Variants in IMPDH1 observed in about 807,000 individuals in gnomAD.
IMPDH1 encodes the protein inosine-5'-monophosphate dehydrogenase 1.
In IMPDH1, 41 loss-of-function variants were observed where a neutral mutation model predicts 73.5. The ratio of observed to expected loss-of-function variants is 0.56; its 90% confidence interval spans 0.43 to 0.72. IMPDH1 has a LOEUF of 0.72. Among genes scored for constraint, IMPDH1 ranks in the 30% least tolerant of loss-of-function variants. The pLI is 0.00. For missense variants in IMPDH1, 645 were observed against 824.8 expected (o/e 0.78, Z 2.67); for synonymous variants, 318 against 334.3 (o/e 0.95, Z 0.53).
intron 5 of IMPDH1, 73 bp downstream of exon 5, chr7:128,403,633 C>T: frequency 5.3e-6 from 7 of 1,324,504 alleles, no homozygotes; most frequent in Non-Finnish European, 7.6e-6. Context: ...CCATGCCCTG[C>T]CCCTGAGCAA....
At position 128,394,812 on chromosome 7, in the gene IMPDH1, TG is replaced by T; in HGVS notation, c.1550+76del. On this transcript the variant is annotated intron_variant, in intron 14 of 16. Coordinates refer to ENST00000338791, the MANE Select transcript of IMPDH1 (RefSeq NM_000883.4). The surrounding 1 kb of genome is among the most constrained non-coding windows in gnomAD (Gnocchi z 5.5). ...CACCATATGGGGACTGGCTGCCATC[TG>T]GGGAAGTCGGTGGCATGAGCGGGCC... 6.4e-7 allele frequency: 1 copy of T among 1,558,908 alleles called. No individual in the cohort carries two copies.
chr7:128,409,765 T>G lies in IMPDH1; in HGVS notation c.137A>C (p.Glu46Ala), dbSNP rs959585363. ...CTGCCCTGGGCGTCACCTCTCGGGC[T>G]CGTAGCCGGCCTGCAGCAGTCGGGC... ...YSARLLQAGY[E>A]PESPRLDLAT... The change falls in exon 1 of 17, where the codon GAG becomes GCG. Residue 46 changes from glutamate (E) to alanine (A), a missense_variant. Around this residue, in one of 2 missense-constraint regions of IMPDH1, gnomAD observed 186 missense variants for 186.6 expected, o/e 1.00. Transcript: ENST00000338791. The G allele has an allele frequency of 1.9e-5, 29 of 1,522,472 alleles. No individual in the cohort carries two copies. Among genetic ancestry groups the G allele is most frequent in the African/African-American group, 4.2e-5 (3 of 71,254 alleles). The allele number at this position is 1,522,472 out of a possible 1,614,324, so 94.3% of individuals were successfully genotyped here.
intron 5 of IMPDH1, among the ~76,000 whole-genome samples, chr7:128,402,375 T>C (rs572806758): frequency 3.3e-5 from 5 of 152,328 alleles, no homozygotes; most frequent in African/African-American, 1.2e-4. Flanking sequence ...AATGCTGGGA[T>C]TACAGGCATG....
In IMPDH1 at chr7:128,394,730, G is replaced by A. The variant is rs1387043830; in HGVS notation, c.1551-131C>T. On this transcript the variant is annotated intron_variant, in intron 14 of 16. Coordinates refer to ENST00000338791, the MANE Select transcript of IMPDH1 (RefSeq NM_000883.4). This position sits in a 1 kb window ranked among gnomAD's most constrained non-coding sequence, Gnocchi z 5.5. Reference sequence around the variant, plus strand: ...CACCCCTCACTGGGCTGAGTCAGATGGCCCAGGGACAGATCCTGGGTCTGC... The same window carrying A: ...CACCCCTCACTGGGCTGAGTCAGATAGCCCAGGGACAGATCCTGGGTCTGC... 16 of 1,399,520 alleles carry A rather than the reference G, an allele frequency of 1.1e-5. No homozygotes were observed. Among genetic ancestry groups the A allele is most frequent in the Non-Finnish European group, 1.4e-5 (14 of 1,004,204 alleles). The allele number at this position is 1,399,520 out of a possible 1,614,324, so 86.7% of individuals were successfully genotyped here. A position where few individuals can be genotyped will look rare whatever the true frequency, so the allele number is the denominator to read the frequency against.
Position 128,392,324 on chromosome 7 carries a change from A to G in IMPDH1, c.*683T>C, listed in dbSNP as rs1797592443. On this transcript the variant is annotated 3_prime_UTR_variant, in exon 17 of 17. Transcript: ENST00000338791. ...TTGATTTATTCCAAGTATTTAATACACAATGACGCAACTGTGATCCCAAGT... is the reference window on the plus strand; with the variant it reads ...TTGATTTATTCCAAGTATTTAATACGCAATGACGCAACTGTGATCCCAAGT... The G allele has an allele frequency of 6.5e-6, 1 of 153,194 alleles. No homozygotes were observed. Among genetic ancestry groups the G allele is most frequent in the Non-Finnish European group, 1.5e-5 (1 of 68,464 alleles). The allele number at this position is 153,194 out of a possible 1,614,324, so 9.5% of individuals were successfully genotyped here.
rs963545856 is a variant in IMPDH1, at chr7:128,392,812, G to A, written c.*195C>T. 2 of 595,370 alleles carry A rather than the reference G, an allele frequency of 3.4e-6. No individual in the cohort carries two copies. Among genetic ancestry groups the A allele is most frequent in the Admixed American group, 2.8e-5 (1 of 35,646 alleles). The allele number at this position is 595,370 out of a possible 1,614,324, so 36.9% of individuals were successfully genotyped here. On this transcript the variant is annotated 3_prime_UTR_variant, in exon 17 of 17. Transcript: ENST00000338791. Reference sequence around the variant, plus strand: ...GGCTCCCAGGGCAGCCTGGCCCCGGGAGCAGTCCTGACTCTGCAGGGGATG... The same window carrying A: ...GGCTCCCAGGGCAGCCTGGCCCCGGAAGCAGTCCTGACTCTGCAGGGGATG...
rs1333878116 is a variant in IMPDH1 at position 128,394,241 on chromosome 7, T to G, written c.1778+37A>C. Reference sequence around the variant, plus strand: ...CCCTGGCCCCACCTGCCCAACCCACTGCCTCCAAGTGACAGCAAGGAGGCC... The same window carrying G: ...CCCTGGCCCCACCTGCCCAACCCACGGCCTCCAAGTGACAGCAAGGAGGCC... On this transcript the variant is annotated intron_variant, in intron 16 of 16. Transcript: ENST00000338791. The surrounding 1 kb of genome is among the most constrained non-coding windows in gnomAD (Gnocchi z 5.5). 6.4e-7 allele frequency: 1 copy of G among 1,566,192 alleles called. No homozygotes were observed. Among genetic ancestry groups the G allele is most frequent in the African/African-American group, 1.4e-5 (1 of 74,062 alleles).
In IMPDH1 at chr7:128,394,283, C is replaced by T. The variant is rs770776919; in HGVS notation, c.1773G>A (p.Leu591=). 1.9e-6 allele frequency: 3 copies of T among 1,613,024 alleles called. No individual in the cohort carries two copies. Among genetic ancestry groups the T allele is most frequent in the East Asian group, 2.2e-5 (1 of 44,876 alleles). The change falls in exon 16 of 17, where the codon CTG becomes CTA. Residue 591 remains leucine, a synonymous_variant. Coordinates refer to ENST00000338791, the MANE Select transcript of IMPDH1 (RefSeq NM_000883.4). The surrounding 1 kb of genome is among the most constrained non-coding windows in gnomAD (Gnocchi z 5.5). The part of the protein sequence containing the change: ...SAQIEGGVHG[L]HSYEKRLY ...AAGGAGGCCACCACACTTACGAGTG[C>T]AGGCCATGGACACCACCCTCAATCT...
chr7:128,409,158 T>G, intron 3 of IMPDH1, 131 bp downstream of exon 3: 1 of 818,482 alleles, frequency 1.2e-6, no homozygotes, highest in Non-Finnish European at 2.1e-6. Flanking sequence ...TACCCTACTC[T>G]TCCTCCAGTG....
At position 128,401,075 on chromosome 7, in the gene IMPDH1, C is replaced by A. The variant is rs763640264; in HGVS notation, c.444G>T (p.Thr148=). ...SALTRKITLK[T]PLISSPMDTV... The stretch of plus-strand genomic sequence containing the variant: ...TGTCCATGGGGGAGGAGATCAGTGG[C>A]GTCTTCAGCGTGATCTTCCGGGTCA... Residue 148 remains threonine (T), a synonymous_variant, in exon 6 of 17, where the codon ACG becomes ACT. Transcript: ENST00000338791. 32 of 1,613,904 alleles carry A rather than the reference C, an allele frequency of 2.0e-5. No homozygotes were observed. The highest frequency in any genetic ancestry group is 2.6e-5 in the Non-Finnish European group (31 of 1,180,022).
At chr7:128,402,310 C>T (rs1798396668) in intron 5 of IMPDH1, among the ~76,000 whole-genome samples, 1 of 152,106 alleles carries the variant, frequency 6.6e-6, no homozygotes, top group African/African-American at 2.4e-5. Context: ...ACCATGTTGG[C>T]CAGGCTGGTC....
In IMPDH1 at chr7:128,402,113, T is replaced by TC. The variant is rs1223413013; in HGVS notation, c.403-998_403-997insG. Among the ~76,000 whole-genome samples, 11 of 151,984 alleles carry TC rather than the reference T, an allele frequency of 7.2e-5. No homozygotes were observed. In the South Asian group the frequency reaches 8.3e-4, roughly 11 times the overall value. ...CCGGCCAGGCAGGGTTTTTTTTTTT[T>TC]TCTCTCTCTGATGGAGCCTCATTCT... On this transcript the variant is annotated intron_variant, in intron 5 of 16. Transcript: ENST00000338791.
rs1193399212 is a variant in IMPDH1 at position 128,409,887 on chromosome 7, G to A, written c.15C>T (p.Leu5=). The A allele has an allele frequency of 4.1e-6, 6 of 1,445,834 alleles. No individual in the cohort carries two copies. Among genetic ancestry groups the A allele is most frequent in the African/African-American group, 3.0e-5 (2 of 67,556 alleles). The allele number at this position is 1,445,834 out of a possible 1,614,324, so 89.6% of individuals were successfully genotyped here. ...CGCCTCCCTGCAGCGGTGGTGGAGT[G>A]AGTGGCCCCTCCATGCGGAGGCCGC... The part of the protein sequence containing the change: MEGP[L]TPPPLQGGGA... Residue 5 remains leucine (L), a synonymous_variant, in exon 1 of 17, where the codon CTC becomes CTT. Coordinates refer to ENST00000338791, the MANE Select transcript of IMPDH1 (RefSeq NM_000883.4).
intron 5 of IMPDH1, 133 bp downstream of exon 5, chr7:128,403,573 A>AAG: frequency 1.4e-6 from 1 of 714,284 alleles, no homozygotes. Context: ...AAAAAAAAAA[A>AAG]AAGGACTATA....
chr7:128,399,137 G>A (rs894817754), intron 9 of IMPDH1, among the ~76,000 whole-genome samples: 4 of 152,272 alleles, frequency 2.6e-5, no homozygotes, highest in Non-Finnish European at 5.9e-5. Context: ...GCCGAGGCAG[G>A]TGGATCACTT....
chr7:128,393,363 C>T (rs1456125799), intron 16 of IMPDH1, among the ~76,000 whole-genome samples: 3 of 152,220 alleles, frequency 2.0e-5, no homozygotes, highest in Admixed American at 6.5e-5. Context: ...AACCTGGAGC[C>T]GAACCTCTGC....
At position 128,403,672 on chromosome 7, in the gene IMPDH1, G is replaced by A. The variant is rs542772203; in HGVS notation, c.402+34C>T. On this transcript the variant is annotated intron_variant, in intron 5 of 16. Coordinates refer to ENST00000338791, the MANE Select transcript of IMPDH1 (RefSeq NM_000883.4). ...GTCAGCCTCTTCCACCACATACACA[G>A]CCCCCTCCCCTTGTCAAAGGAAGAG... 2.3e-5 allele frequency: 36 copies of A among 1,593,360 alleles called. No individual in the cohort carries two copies. The East Asian group carries it at 5.8e-4, about 26-fold the overall frequency.
chr7:128,396,545 G>A lies in IMPDH1; in HGVS notation c.1261+55C>T. On this transcript the variant is annotated intron_variant, in intron 12 of 16. Transcript: ENST00000338791. The surrounding 1 kb of genome is among the most constrained non-coding windows in gnomAD (Gnocchi z 4.0). ...AGAGAGTACTTGATATACATCTGGG[G>A]AACAAAGGCGAGGCCCCGGGGCCAG... The A allele has an allele frequency of 7.8e-7, 1 of 1,286,882 alleles. No homozygotes were observed. Among genetic ancestry groups the A allele is most frequent in the Non-Finnish European group, 1.1e-6 (1 of 907,370 alleles). 79.7% of individuals were successfully genotyped at this position (1,286,882 alleles called of 1,614,324 possible).
Position 128,409,892 on chromosome 7 carries a change from G to A in IMPDH1, c.10C>T (p.Pro4Ser), listed in dbSNP as rs1380986603. 6 of 1,433,814 alleles carry A rather than the reference G, an allele frequency of 4.2e-6. No individual in the cohort carries two copies. The highest frequency in any genetic ancestry group is 5.9e-5 in the East Asian group (2 of 33,674). 88.8% of individuals were successfully genotyped at this position (1,433,814 alleles called of 1,614,324 possible). ...CCCTGCAGCGGTGGTGGAGTGAGTG[G>A]CCCCTCCATGCGGAGGCCGCAGCTC... MEG[P>S]LTPPPLQGGG... The change falls in exon 1 of 17, where the codon CCA becomes TCA. Residue 4 changes from proline to serine, a missense_variant. This residue lies in a region of IMPDH1 where 186 missense variants were observed against 186.6 expected (regional missense o/e 1.00). Coordinates refer to ENST00000338791, the MANE Select transcript of IMPDH1 (RefSeq NM_000883.4).
Sources: gnomAD v4.1 joint callset for allele counts (sites outside exome capture counted in the v4.1 genomes callset) on GRCh38, gnomAD v4.1.1 for gene constraint, gnomAD v4.1.1 regional missense constraint, Gnocchi (gnomAD v3.1) non-coding constraint, MANE v1.5 for transcripts, NCBI Gene and HGNC (gene_info 2026-07-23, HGNC 2026-07-21) for gene names.